Variants in WNT5A observed in about 807,000 individuals in gnomAD.
The protein encoded by WNT5A is Wnt family member 5A.
In WNT5A, 9 loss-of-function variants were observed where a neutral mutation model predicts 42.1. The ratio of observed to expected loss-of-function variants is 0.21; its 90% CI spans 0.13 to 0.37. The LOEUF is 0.37. Among genes scored for constraint, WNT5A ranks in the 10% least tolerant of loss-of-function variants. The pLI, the probability that WNT5A is intolerant of heterozygous loss-of-function variation, is 1.00. For synonymous variants in WNT5A, 210 were observed against 210.0 expected (o/e 1.00, Z 0.00); for missense variants, 426 against 534.0 (o/e 0.80, Z 1.99).
intron 3 of WNT5A, among the ~76,000 whole-genome samples, chr3:55,477,910 A>C (rs1297531297): frequency 6.6e-6 from 1 of 152,204 alleles, no homozygotes; most frequent in East Asian, 1.9e-4. Flanking sequence ...GTTGAGAGGA[A>C]GGCAGTTTAG....
intron 1 of WNT5A, among the ~76,000 whole-genome samples, chr3:55,481,630 T>G (rs1248482799): frequency 6.6e-6 from 1 of 152,090 alleles, no homozygotes; most frequent in East Asian, 1.9e-4. Flanking sequence ...AGCCCGGATT[T>G]CCTTAAGGAC....
chr3:55,495,779 T>A, the WNT5A span, among the ~76,000 whole-genome samples: 7 of 152,354 alleles, frequency 4.6e-5, no homozygotes, highest in South Asian at 1.2e-3. Flanking sequence ...ATGCTGTTTT[T>A]CATAATGGCT....
intron 1 of WNT5A, among the ~76,000 whole-genome samples, chr3:55,484,623 G>A (rs918826122): frequency 4.6e-5 from 7 of 151,678 alleles, no homozygotes; most frequent in African/African-American, 7.3e-5. Flanking sequence ...GGTCTGGCCT[G>A]GTTCTCCTCT....
chr3:55,480,966 T>A lies in WNT5A; in HGVS notation c.7-48A>T, dbSNP rs144446965. The stretch of plus-strand genomic sequence containing the variant: ...GATGTTTATTGCCTCTCAGATAATT[T>A]TCAAGCATACAAGTTTAAACAACGG... On this transcript the variant is annotated intron_variant, in intron 1 of 4. Transcript: ENST00000264634. 4.7e-3 allele frequency: 6,636 copies of A among 1,404,690 alleles called. 22 individuals carry two copies. Among genetic ancestry groups the A allele is most frequent in the Non-Finnish European group, 5.5e-3 (5,904 of 1,070,132 alleles). 87.0% of individuals were successfully genotyped at this position (1,404,690 alleles called of 1,614,324 possible). A position where few individuals can be genotyped will look rare whatever the true frequency, so the allele number is the denominator to read the frequency against.
rs756066753 is a variant in WNT5A at position 55,487,031 on chromosome 3, C to G, written c.-46G>C. 5 of 1,602,828 alleles carry G rather than the reference C, an allele frequency of 3.1e-6. No individual in the cohort carries two copies. In the Admixed American group the frequency reaches 5.0e-5, roughly 16 times the overall value. ...GGGAGGAAGTCGCCACCCGAGCGAG[C>G]GCAGCCGAGGAATCCGAGCGGAGCG... On this transcript the variant is annotated 5_prime_UTR_variant, in exon 1 of 5. Transcript: ENST00000264634.
At chr3:55,500,320 G>T in the WNT5A span, among the ~76,000 whole-genome samples, 1 of 152,138 alleles carries the variant, frequency 6.6e-6, no homozygotes, top group African/African-American at 2.4e-5. Flanking sequence ...CTTTTGATTT[G>T]CTATTTTCCT....
the WNT5A span, chr3:55,505,054 A>T: frequency 6.6e-6 from 1 of 152,194 alleles, no homozygotes; most frequent in African/African-American, 2.4e-5. Context: ...TTATTCTCAA[A>T]TCTGGTGCTT....
chr3:55,495,284 A>C (rs1559563272), upstream of WNT5A, among the ~76,000 whole-genome samples: 3 of 152,166 alleles, frequency 2.0e-5, no homozygotes, highest in African/African-American at 7.2e-5. Context: ...AGATCTTTTG[A>C]ACTTATTTCT....
rs188798140 is a variant in WNT5A, at chr3:55,479,572, G to C, written c.141-8C>G. ...TTATTCATACCTAGCGACCTGCAAGGGGGGGAGATGTGCATTCAAGATTTA... is the reference window on the plus strand; with the variant it reads ...TTATTCATACCTAGCGACCTGCAAGCGGGGGAGATGTGCATTCAAGATTTA... On this transcript the variant is annotated splice_polypyrimidine_tract_variant and splice_region_variant and intron_variant, in intron 2 of 4. Transcript: ENST00000264634. The C allele has an allele frequency of 1.3e-4, 210 of 1,569,866 alleles. No individual in the cohort carries two copies. Among genetic ancestry groups the C allele is most frequent in the Admixed American group, 5.3e-4 (30 of 56,470 alleles).
chr3:55,502,734 C>G, the WNT5A span, among the ~76,000 whole-genome samples: 1 of 152,150 alleles, frequency 6.6e-6, no homozygotes, highest in African/African-American at 2.4e-5. Context: ...ACAAAAGAAA[C>G]ATTGAAAACC....
At position 55,469,223 on chromosome 3, in the gene WNT5A, C is replaced by A. The variant is rs569512125; in HGVS notation, c.*869G>T. The stretch of plus-strand genomic sequence containing the variant: ...ATTATAATTTACTAACCAAGTATCC[C>A]TAAGAAAATAACAGGATATTTTCAT... On this transcript the variant is annotated 3_prime_UTR_variant, in exon 5 of 5. Transcript: ENST00000264634. 138 of 152,250 alleles carry A rather than the reference C, an allele frequency of 9.1e-4. No individual in the cohort carries two copies. The highest frequency in any genetic ancestry group is 3.2e-3 in the African/African-American group (134 of 41,552). The allele number at this position is 152,250 out of a possible 1,614,324, so 9.4% of individuals were successfully genotyped here.
chr3:55,481,011 A>G lies in WNT5A; in HGVS notation c.7-93T>C, dbSNP rs937591644. The G allele has an allele frequency of 2.2e-5, 28 of 1,254,142 alleles. No homozygotes were observed. The African/African-American group carries it at 3.7e-4, about 16-fold the overall frequency. 77.7% of individuals were successfully genotyped at this position (1,254,142 alleles called of 1,614,324 possible). A position where few individuals can be genotyped will look rare whatever the true frequency, so the allele number is the denominator to read the frequency against. Reference sequence around the variant, plus strand: ...CAACGGAAGCATCCGGGGTCTCTTAAGTTTACTGTTGATTGACTGCGCTTC... The same window carrying G: ...CAACGGAAGCATCCGGGGTCTCTTAGGTTTACTGTTGATTGACTGCGCTTC... On this transcript the variant is annotated intron_variant, in intron 1 of 4. Transcript: ENST00000264634.
intron 4 of WNT5A, 96 bp from the exon 5 acceptor site, chr3:55,470,646 A>G (rs2051233197): frequency 3.4e-6 from 4 of 1,161,294 alleles, no homozygotes; most frequent in Non-Finnish European, 4.7e-6. Context: ...CCATGGAGCT[A>G]TGTTCCCCAG....
intron 4 of WNT5A, among the ~76,000 whole-genome samples, chr3:55,474,004 G>A (rs2051299869): frequency 2.0e-5 from 3 of 152,222 alleles, no homozygotes; most frequent in Admixed American, 6.5e-5. Context: ...AGGATGATCC[G>A]CCCAGGAGGC....
chr3:55,466,156 GAGAGA>G lies in WNT5A; in HGVS notation c.*3931_*3935del, dbSNP rs779187362. 9 of 152,016 alleles carry G rather than the reference GAGAGA, an allele frequency of 5.9e-5. No individual in the cohort carries two copies. The highest frequency in any genetic ancestry group is 2.2e-4 in the African/African-American group (9 of 41,384). The allele number at this position is 152,016 out of a possible 1,614,324, so 9.4% of individuals were successfully genotyped here. ...CATCTCTCTTTCACCATTCCACAGA[GAGAGA>G]AAAGACTAGAAAATACTTTAAAAAA... On this transcript the variant is annotated 3_prime_UTR_variant, in exon 5 of 5. Coordinates refer to ENST00000264634, the MANE Select transcript of WNT5A (RefSeq NM_003392.7).
At chr3:55,497,399 C>T in the WNT5A span, 1 of 152,236 alleles carries the variant, frequency 6.6e-6, no homozygotes, top group South Asian at 2.1e-4. Flanking sequence ...CATTAGGAGA[C>T]AAACACTCTG....
chr3:55,473,651 T>C (rs975338949), intron 4 of WNT5A, among the ~76,000 whole-genome samples: 5 of 152,142 alleles, frequency 3.3e-5, no homozygotes, highest in Non-Finnish European at 5.9e-5. Flanking sequence ...AATCCCACAC[T>C]GCTAAAAATG....
chr3:55,476,825 TC>T (rs1487470619), intron 3 of WNT5A, among the ~76,000 whole-genome samples: 1 of 152,176 alleles, frequency 6.6e-6, no homozygotes, highest in Non-Finnish European at 1.5e-5. Flanking sequence ...ACTCCGATCC[TC>T]ACACCCCTTA....
chr3:55,487,297 G>A lies in WNT5A; in HGVS notation c.-312C>T. On this transcript the variant is annotated 5_prime_UTR_variant, in exon 1 of 5. Coordinates refer to ENST00000264634, the MANE Select transcript of WNT5A (RefSeq NM_003392.7). ...GCCGCCGGTCCGGCGAGGGCGCGCA[G>A]GCAACTGTTCCACGGAGAGGCGCTC... 2.3e-6 allele frequency: 1 copy of A among 426,062 alleles called. No individual in the cohort carries two copies. The highest frequency in any genetic ancestry group is 3.9e-5 in the East Asian group (1 of 25,420). The allele number at this position is 426,062 out of a possible 1,614,324, so 26.4% of individuals were successfully genotyped here. A position where few individuals can be genotyped will look rare whatever the true frequency, so the allele number is the denominator to read the frequency against.
Sources: allele counts gnomAD v4.1 joint callset (sites outside exome capture counted in the v4.1 genomes callset), GRCh38; gene constraint gnomAD v4.1.1; transcripts MANE v1.5; gene names NCBI Gene and HGNC (gene_info 2026-07-23, HGNC 2026-07-21).